Variants in HDAC9 observed in about 807,000 individuals in gnomAD.
HDAC9 encodes MEF-2 interacting transcription repressor (MITR) protein.
HDAC9 carries 41 observed loss-of-function variants against 139.4 expected under a neutral mutation model. The observed-to-expected ratio is 0.29, with a 90% CI of 0.23 to 0.38. The LOEUF is 0.38. HDAC9 is among the 10% of genes least tolerant of loss of function. The pLI is 1.00. For synonymous variants in HDAC9, 517 were observed against 476.2 expected, an observed-to-expected ratio of 1.09 and a Z score of -1.12; for missense variants, 1,147 against 1,297.0, an observed-to-expected ratio of 0.88 and a Z score of 1.78.
At chr7:18,879,938 C>T (rs12700006) in intron 22 of HDAC9, among the ~76,000 whole-genome samples, 5,198 of 152,168 alleles carry the variant, frequency 0.034, 185 homozygotes, top group African/African-American at 0.093. Flanking sequence ...TATTCAGCAT[C>T]TATAAGGAAC....
chr7:18,185,837 T>C (rs17138742), intron 2 of HDAC9, among the ~76,000 whole-genome samples: 1,973 of 152,316 alleles, frequency 0.013, 41 homozygotes, highest in African/African-American at 0.045. Context: ...GCATTTTTTT[T>C]CTCCATAAAG....
At chr7:18,259,977 A>G (rs1584893185) in intron 2 of HDAC9, among the ~76,000 whole-genome samples, 3 of 152,164 alleles carry the variant, frequency 2.0e-5, no homozygotes, top group South Asian at 2.1e-4. Flanking sequence ...ACTGATATGT[A>G]TATTTGTCTT....
chr7:18,647,687 T>C (rs1787877885), intron 9 of HDAC9, 98 bp from the exon 10 acceptor site: 1 of 1,006,458 alleles, frequency 9.9e-7, no homozygotes, highest in African/African-American at 1.6e-5. Context: ...GCTTTTGTTT[T>C]GGGAAGCTAC....
intron 1 of HDAC9, among the ~76,000 whole-genome samples, chr7:18,473,716 A>G (rs1258261855): frequency 6.6e-6 from 1 of 152,242 alleles, no homozygotes; most frequent in African/African-American, 2.4e-5. Flanking sequence ...TTTCATATCA[A>G]ATAGTAATAC....
intron 2 of HDAC9, among the ~76,000 whole-genome samples, chr7:18,561,732 A>G (rs975069836): frequency 2.6e-5 from 4 of 152,194 alleles, no homozygotes; most frequent in Non-Finnish European, 5.9e-5. Context: ...TCCTTTACTC[A>G]GCATGGTTTC....
chr7:18,734,139 G>C (rs1419672741), intron 13 of HDAC9, among the ~76,000 whole-genome samples: 1 of 152,026 alleles, frequency 6.6e-6, no homozygotes, highest in Admixed American at 6.6e-5. Context: ...AATAGCATGT[G>C]TTCACTTCCT....
chr7:18,564,677 T>G (rs1821703358), intron 2 of HDAC9, among the ~76,000 whole-genome samples: 1 of 152,150 alleles, frequency 6.6e-6, no homozygotes, highest in Non-Finnish European at 1.5e-5. Context: ...ACATTGGGCC[T>G]CTATACCTAT....
rs144864967 is a variant in HDAC9 at position 18,833,909 on chromosome 7, A to G, written c.2467-1558A>G. On this transcript the variant is annotated intron_variant, in intron 19 of 25. Transcript: ENST00000686413. ...GGAGATTGGCATGAAGACAGGTCATATAAGTCTCCTATGGAGCAATAATGA... is the reference window on the plus strand; with the variant it reads ...GGAGATTGGCATGAAGACAGGTCATGTAAGTCTCCTATGGAGCAATAATGA... 1.1e-4 allele frequency among the ~76,000 whole-genome samples: 17 copies of G among 152,360 alleles called. No homozygotes were observed. The East Asian group carries it at 2.7e-3, about 24-fold the overall frequency.
intron 1 of HDAC9, among the ~76,000 whole-genome samples, chr7:18,397,027 G>C (rs1787125519): frequency 6.7e-6 from 1 of 150,040 alleles, no homozygotes; most frequent in Admixed American, 6.6e-5. Flanking sequence ...CTCTATGTTG[G>C]AAAAAAAAAG....
Position 18,644,804 on chromosome 7 carries a change from G to A in HDAC9, c.1035+11G>A, listed in dbSNP as rs1786846204. 1 of 1,607,272 alleles carries A rather than the reference G, an allele frequency of 6.2e-7. No individual in the cohort carries two copies. Among genetic ancestry groups the A allele is most frequent in the Non-Finnish European group, 8.5e-7 (1 of 1,176,914 alleles). Reference sequence around the variant, plus strand: ...CCATCCCAGCTCAATGTAAGTCATTGCACAGCATCAGCCTTAATCAACCTA... The same window carrying A: ...CCATCCCAGCTCAATGTAAGTCATTACACAGCATCAGCCTTAATCAACCTA... On this transcript the variant is annotated intron_variant, in intron 9 of 25. Coordinates refer to ENST00000686413, the MANE Select transcript of HDAC9 (RefSeq NM_178425.4).
chr7:18,397,227 G>C (rs777286748), intron 1 of HDAC9, among the ~76,000 whole-genome samples: 2 of 152,078 alleles, frequency 1.3e-5, no homozygotes, highest in Non-Finnish European at 2.9e-5. Context: ...TTGTATATTA[G>C]TGGTCATATA....
intron 1 of HDAC9, among the ~76,000 whole-genome samples, chr7:18,328,141 C>G (rs1800613810): frequency 6.6e-6 from 1 of 152,052 alleles, no homozygotes; most frequent in African/African-American, 2.4e-5. Flanking sequence ...GAGTATTTTT[C>G]TCTTTGAACT....
intron 22 of HDAC9, among the ~76,000 whole-genome samples, chr7:18,930,368 C>T (rs999876046): frequency 6.6e-6 from 1 of 152,112 alleles, no homozygotes. Flanking sequence ...GCTTTTGTGT[C>T]TTTAATGAAG....
intron 21 of HDAC9, among the ~76,000 whole-genome samples, chr7:18,845,053 C>T (rs1796820773): frequency 6.6e-6 from 1 of 152,042 alleles, no homozygotes; most frequent in Non-Finnish European, 1.5e-5. Flanking sequence ...GACTCAGTTT[C>T]AATGAACTGA....
intron 21 of HDAC9, among the ~76,000 whole-genome samples, chr7:18,855,901 C>A (rs1327496646): frequency 6.6e-6 from 1 of 152,100 alleles, no homozygotes; most frequent in Non-Finnish European, 1.5e-5. Context: ...TCCTTGACTT[C>A]ATGCAGAGAA....
chr7:18,647,768 G>A lies in HDAC9; in HGVS notation c.1036-17G>A. 5 of 1,586,726 alleles carry A rather than the reference G, an allele frequency of 3.2e-6. No homozygotes were observed. Among genetic ancestry groups the A allele is most frequent in the Non-Finnish European group, 4.3e-6 (5 of 1,165,396 alleles). On this transcript the variant is annotated splice_polypyrimidine_tract_variant and intron_variant, in intron 9 of 25. Coordinates refer to ENST00000686413, the MANE Select transcript of HDAC9 (RefSeq NM_178425.4). The stretch of plus-strand genomic sequence containing the variant: ...TGGATGAAAGAGGATTAACATCTTT[G>A]TTATTTCTCAACACAGGCTTCGAAT...
At chr7:18,732,492 T>C (rs1786161711) in intron 13 of HDAC9, among the ~76,000 whole-genome samples, 1 of 151,358 alleles carries the variant, frequency 6.6e-6, no homozygotes. Flanking sequence ...TATATATGTG[T>C]ATATATGTGT....
At chr7:18,512,419 A>T (rs1340441391) in intron 2 of HDAC9, among the ~76,000 whole-genome samples, 1 of 152,230 alleles carries the variant, frequency 6.6e-6, no homozygotes, top group East Asian at 1.9e-4. Flanking sequence ...TAGCATTTAC[A>T]TGGCAAATGA....
intron 9 of HDAC9, among the ~76,000 whole-genome samples, chr7:18,646,826 T>C (rs937216371): frequency 6.6e-6 from 1 of 152,184 alleles, no homozygotes; most frequent in African/African-American, 2.4e-5. Flanking sequence ...ATAATTATTA[T>C]TGCCTTATTA....
Sources: allele counts gnomAD v4.1 joint callset (sites outside exome capture counted in the v4.1 genomes callset), GRCh38; gene constraint gnomAD v4.1.1; transcripts MANE v1.5; gene names NCBI Gene and HGNC (gene_info 2026-07-23, HGNC 2026-07-21).